SLC12A7: variants seen among roughly 807,000 people sequenced by gnomAD.
The protein encoded by SLC12A7 is solute carrier family 12 member 7, also known as K-Cl cotransporter 4.
In SLC12A7, 100 loss-of-function variants were observed where a neutral mutation model predicts 120.6. That is an observed-to-expected ratio of 0.83 (90% CI 0.71 to 0.98). The LOEUF (loss-of-function observed/expected upper bound fraction) is 0.98, where lower values mean the gene tolerates loss of function less well. Ranked by LOEUF, SLC12A7 falls within the 50% of genes least tolerant of loss-of-function variation. SLC12A7 has a pLI of 0.00. For synonymous variants in SLC12A7, 760 were observed against 678.0 expected (o/e 1.12, Z -1.88); for missense variants, 1,373 against 1,548.1 (o/e 0.89, Z 1.90).
chr5:1,081,670 C>T lies in SLC12A7; in HGVS notation c.1204G>A (p.Glu402Lys), dbSNP rs377138791. ...KKGVPSVPVAEESRASALPYV... is the reference protein window; with the variant it reads ...KKGVPSVPVAKESRASALPYV... ...GGCAGTGCGCTGGCACGGCTCTCCTCTGCCACGGGCACCGAGGGCACACCT... is the reference window on the plus strand; with the variant it reads ...GGCAGTGCGCTGGCACGGCTCTCCTTTGCCACGGGCACCGAGGGCACACCT... Residue 402 changes from glutamate to lysine, a missense_variant, in exon 9 of 24, where the codon GAG becomes AAG. Physicochemically the swap from Glu to Lys is moderately conservative, Grantham distance 56. Coordinates refer to ENST00000264930, the MANE Select transcript of SLC12A7 (RefSeq NM_006598.3). 3.1e-6 allele frequency: 5 copies of T among 1,613,038 alleles called. No individual in the cohort carries two copies. Among genetic ancestry groups the T allele is most frequent in the African/African-American group, 2.7e-5 (2 of 74,952 alleles).
At chr5:1,057,307 G>T in intron 22 of SLC12A7, 164 bp downstream of exon 22, 1 of 680,066 alleles carries the variant, frequency 1.5e-6, no homozygotes, top group Non-Finnish European at 2.4e-6. Flanking sequence ...GCACCAAAAG[G>T]ACCCCTCAGT....
chr5:1,064,846 G>A (rs114410103), intron 18 of SLC12A7, among the ~76,000 whole-genome samples: 1,315 of 122,094 alleles, frequency 0.011, 24 homozygotes, highest in East Asian at 0.04. Flanking sequence ...GCGAAGCGAC[G>A]GCGAGGAGAC....
the SLC12A7 span, among the ~76,000 whole-genome samples, chr5:1,133,545 C>T: frequency 6.6e-6 from 1 of 152,198 alleles, no homozygotes; most frequent in Non-Finnish European, 1.5e-5. Context: ...ACAGTGCTGT[C>T]TGGGGTTGAC....
chr5:1,127,509 C>T, the SLC12A7 span, among the ~76,000 whole-genome samples: 1 of 152,362 alleles, frequency 6.6e-6, no homozygotes, highest in South Asian at 2.1e-4. Context: ...ACCTGGACTT[C>T]AGATTTCCTT....
intron 20 of SLC12A7, among the ~76,000 whole-genome samples, chr5:1,062,098 C>G (rs1736356932): frequency 6.6e-6 from 1 of 152,116 alleles, no homozygotes; most frequent in Non-Finnish European, 1.5e-5. Context: ...GCTGGGAGCT[C>G]CAGGTTCCCG....
intron 14 of SLC12A7, 188 bp downstream of exon 14, chr5:1,075,950 C>T: frequency 1.7e-6 from 1 of 584,714 alleles, no homozygotes; most frequent in Non-Finnish European, 3.0e-6. Context: ...TGCGCAGGGG[C>T]TTACTCCGCA....
At chr5:1,069,766 G>T (rs932900683) in intron 17 of SLC12A7, among the ~76,000 whole-genome samples, 1 of 152,186 alleles carries the variant, frequency 6.6e-6, no homozygotes, top group African/African-American at 2.4e-5. Flanking sequence ...GGCTTTCATC[G>T]TGTCATCATT....
the SLC12A7 span, among the ~76,000 whole-genome samples, chr5:1,133,104 C>T: frequency 8.5e-5 from 13 of 152,248 alleles, no homozygotes; most frequent in African/African-American, 2.4e-4. Context: ...TTTTGGTAGA[C>T]GGAGTTTCAC....
intron 18 of SLC12A7, among the ~76,000 whole-genome samples, chr5:1,065,047 A>AT (rs1736863670): frequency 1.4e-5 from 1 of 72,498 alleles, no homozygotes; most frequent in Admixed American, 2.0e-4. Context: ...CAGCGAGGGG[A>AT]GGCAGAGGGG....
the SLC12A7 span, among the ~76,000 whole-genome samples, chr5:1,147,054 GT>G: frequency 6.6e-6 from 1 of 152,146 alleles, no homozygotes. Flanking sequence ...TTCACACAAT[GT>G]CCTCAGCCTC....
At chr5:1,077,602 C>A (rs1230219552) in intron 12 of SLC12A7, among the ~76,000 whole-genome samples, 1 of 152,200 alleles carries the variant, frequency 6.6e-6, no homozygotes, top group African/African-American at 2.4e-5. Flanking sequence ...TCCTGACACA[C>A]CCGGGGCCGA....
At position 1,050,644 on chromosome 5, in the gene SLC12A7, C is replaced by T; in HGVS notation, c.*1716G>A. ...GCCACCAACCAACGTTCAGAGCCAG[C>T]ACCATGTGGCCGCTGTGCCTCTAGC... On this transcript the variant is annotated 3_prime_UTR_variant, in exon 24 of 24. Coordinates refer to ENST00000264930, the MANE Select transcript of SLC12A7 (RefSeq NM_006598.3). 2.6e-6 allele frequency: 1 copy of T among 385,480 alleles called. No homozygotes were observed. Among genetic ancestry groups the T allele is most frequent in the Non-Finnish European group, 4.6e-6 (1 of 218,294 alleles). 23.9% of individuals were successfully genotyped at this position (385,480 alleles called of 1,614,324 possible). A position where few individuals can be genotyped will look rare whatever the true frequency, so the allele number is the denominator to read the frequency against.
intron 12 of SLC12A7, among the ~76,000 whole-genome samples, chr5:1,077,207 T>A (rs1350322855): frequency 6.6e-6 from 1 of 152,194 alleles, no homozygotes; most frequent in Non-Finnish European, 1.5e-5. Context: ...GCCTGTCCCC[T>A]TCCTGGACAC....
At chr5:1,108,469 G>A (rs968303784) in intron 1 of SLC12A7, among the ~76,000 whole-genome samples, 9 of 152,204 alleles carry the variant, frequency 5.9e-5, no homozygotes, top group Admixed American at 5.2e-4. Flanking sequence ...CTGCTGCAGG[G>A]GCTCCCGGGC....
the SLC12A7 span, among the ~76,000 whole-genome samples, chr5:1,150,758 C>A: frequency 6.6e-6 from 1 of 152,228 alleles, no homozygotes; most frequent in Non-Finnish European, 1.5e-5. Context: ...ACACGACGGC[C>A]GAGCTCCATG....
chr5:1,128,547 G>A, the SLC12A7 span, among the ~76,000 whole-genome samples: 2 of 152,204 alleles, frequency 1.3e-5, no homozygotes, highest in African/African-American at 2.4e-5. Flanking sequence ...GAGGAAAAGT[G>A]CTGCCCAGCC....
rs144564285 is a variant in SLC12A7 at position 1,076,853 on chromosome 5, C to T, written c.1630-41G>A. 383 of 1,354,650 alleles carry T rather than the reference C, an allele frequency of 2.8e-4. 2 individuals carry two copies. In the East Asian group the frequency reaches 6.6e-3, roughly 23 times the overall value. 83.9% of individuals were successfully genotyped at this position (1,354,650 alleles called of 1,614,324 possible). A position where few individuals can be genotyped will look rare whatever the true frequency, so the allele number is the denominator to read the frequency against. ...CAGGAAGATGGGGCAGATGACACCACCCTTTTAGGAGAGAAGCTGCAGGCT... is the reference window on the plus strand; with the variant it reads ...CAGGAAGATGGGGCAGATGACACCATCCTTTTAGGAGAGAAGCTGCAGGCT... On this transcript the variant is annotated intron_variant, in intron 12 of 23. Transcript: ENST00000264930.
the SLC12A7 span, among the ~76,000 whole-genome samples, chr5:1,152,683 C>T: frequency 6.6e-6 from 1 of 152,220 alleles, no homozygotes; most frequent in South Asian, 2.1e-4. Flanking sequence ...AGACGCCCCC[C>T]GGACCATGCA....
At chr5:1,095,895 G>A (rs889740235) in intron 1 of SLC12A7, among the ~76,000 whole-genome samples, 2 of 152,214 alleles carry the variant, frequency 1.3e-5, no homozygotes, top group African/African-American at 4.8e-5. Context: ...TCCTTGGTGC[G>A]ACCATGAGTG....
Sources: gnomAD v4.1 joint callset for allele counts (sites outside exome capture counted in the v4.1 genomes callset) on GRCh38, gnomAD v4.1.1 for gene constraint, MANE v1.5 for transcripts, NCBI Gene and HGNC (gene_info 2026-07-23, HGNC 2026-07-21) for gene names.